The following CDON variants were observed in gnomAD, a reference collection of about 807,000 sequenced individuals.
CDON encodes the protein cell adhesion molecule-related/down-regulated by oncogenes.
Under a neutral mutation model 120.9 loss-of-function variants are expected in CDON, and 73 were observed. The observed-to-expected ratio is 0.60, with a 90% CI of 0.50 to 0.73. The LOEUF (loss-of-function observed/expected upper bound fraction) is 0.73, where lower values mean the gene tolerates loss of function less well. Ranked by LOEUF, CDON falls within the 30% of genes least tolerant of loss-of-function variation. CDON has a pLI of 0.00. For synonymous variants in CDON, 566 were observed against 573.5 expected, an observed-to-expected ratio of 0.99 and a Z score of 0.19; for missense variants, 1,470 against 1,587.3, an observed-to-expected ratio of 0.93 and a Z score of 1.26.
chr11:125,995,485 C>T (rs372063209), intron 12 of CDON, among the ~76,000 whole-genome samples: 1 of 152,150 alleles, frequency 6.6e-6, no homozygotes, highest in Admixed American at 6.5e-5. Flanking sequence ...CGGTTTAATA[C>T]GGTGAATACA....
At chr11:126,003,865 C>A in intron 10 of CDON, 37 bp downstream of exon 10, 1 of 1,579,324 alleles carries the variant, frequency 6.3e-7, no homozygotes. Context: ...GACATCAGGG[C>A]AGCCAGCTCA....
intron 1 of CDON, among the ~76,000 whole-genome samples, chr11:126,051,583 C>T (rs141519396): frequency 1.2e-3 from 177 of 152,182 alleles, no homozygotes; most frequent in African/African-American, 4.1e-3. Context: ...CCCCACTGCA[C>T]CTGCTGTCAT....
intron 18 of CDON, among the ~76,000 whole-genome samples, chr11:125,975,817 C>T (rs77550118): frequency 0.034 from 5,197 of 152,276 alleles, 97 homozygotes; most frequent in Middle Eastern, 0.048. Flanking sequence ...ATCCTTTCTA[C>T]GTCCATGACT....
intron 11 of CDON, among the ~76,000 whole-genome samples, chr11:126,000,254 C>A (rs926865955): frequency 4.6e-5 from 7 of 152,290 alleles, no homozygotes; most frequent in Non-Finnish European, 1.0e-4. Flanking sequence ...GTCACCCAGG[C>A]TGGAGTGCAG....
intron 1 of CDON, among the ~76,000 whole-genome samples, chr11:126,032,734 C>A (rs887999544): frequency 6.6e-6 from 1 of 152,118 alleles, no homozygotes; most frequent in Non-Finnish European, 1.5e-5. Context: ...AGGCCAGGAG[C>A]GGTGGCATAC....
intron 14 of CDON, among the ~76,000 whole-genome samples, chr11:125,993,171 T>C (rs1443524319): frequency 1.3e-5 from 2 of 152,320 alleles, no homozygotes; most frequent in Non-Finnish European, 2.9e-5. Flanking sequence ...GCTAGTCTTT[T>C]TCAACCTGAA....
chr11:126,050,533 A>C lies in CDON; in HGVS notation c.-62+12046T>G, dbSNP rs201999147. On this transcript the variant is annotated intron_variant, in intron 1 of 19. Transcript: ENST00000531738. The stretch of plus-strand genomic sequence containing the variant: ...ACACACACACACACACACACACACA[A>C]ACAAAAAAAAGTCTGTAAAATACTC... 2.0e-4 allele frequency among the ~76,000 whole-genome samples: 26 copies of C among 132,330 alleles called. No individual in the cohort carries two copies. In the East Asian group the frequency reaches 4.5e-3, roughly 23 times the overall value. The allele number at this position is 132,330 out of a possible 152,430, so 86.8% of individuals were successfully genotyped here. A position where few individuals can be genotyped will look rare whatever the true frequency, so the allele number is the denominator to read the frequency against.
chr11:125,990,529 T>C (rs1946606178), intron 14 of CDON, among the ~76,000 whole-genome samples: 1 of 152,206 alleles, frequency 6.6e-6, no homozygotes, highest in Admixed American at 6.5e-5. Flanking sequence ...GCAGGGACAC[T>C]TTTGCCAGAT....
At chr11:126,050,495 AACACACAC>A (rs10643446) in intron 1 of CDON, among the ~76,000 whole-genome samples, 619 of 143,088 alleles carry the variant, frequency 4.3e-3, no homozygotes, top group Middle Eastern at 0.01. Context: ...GTAAGTAGCA[AACACACAC>A]ACACACACAC....
chr11:126,012,734 T>A (rs772983741), intron 7 of CDON, among the ~76,000 whole-genome samples: 2 of 152,136 alleles, frequency 1.3e-5, no homozygotes, highest in Non-Finnish European at 2.9e-5. Flanking sequence ...TGTTCATTGG[T>A]CTTCATCCAT....
chr11:126,025,203 T>A (rs1947761401), intron 1 of CDON, among the ~76,000 whole-genome samples: 2 of 151,838 alleles, frequency 1.3e-5, no homozygotes, highest in South Asian at 4.2e-4. Flanking sequence ...AGACTCCATA[T>A]CAAAAAAATA....
chr11:126,050,387 T>A (rs185632910), intron 1 of CDON, among the ~76,000 whole-genome samples: 1 of 151,974 alleles, frequency 6.6e-6, no homozygotes, highest in African/African-American at 2.4e-5. Context: ...ACACCTAACT[T>A]TGAACTAGAT....
chr11:126,032,985 G>A (rs1235467884), intron 1 of CDON, among the ~76,000 whole-genome samples: 1 of 152,176 alleles, frequency 6.6e-6, no homozygotes, highest in Non-Finnish European at 1.5e-5. Context: ...TCCTAGCCTG[G>A]GTGACAGAGT....
chr11:126,063,185 C>G (rs990050457), upstream of CDON: 1 of 151,430 alleles, frequency 6.6e-6, no homozygotes. Flanking sequence ...ATAGAAGAGG[C>G]TTTTCTTGGG....
intron 15 of CDON, among the ~76,000 whole-genome samples, chr11:125,988,835 G>A (rs1946543269): frequency 6.6e-6 from 1 of 152,130 alleles, no homozygotes; most frequent in African/African-American, 2.4e-5. Flanking sequence ...AATTAAACAA[G>A]TAGATAGAAG....
chr11:126,050,495 AACACACACACACAC>A (rs10643446), intron 1 of CDON, among the ~76,000 whole-genome samples: 12 of 143,106 alleles, frequency 8.4e-5, no homozygotes, highest in African/African-American at 7.8e-5. Flanking sequence ...GTAAGTAGCA[AACACACACACACAC>A]ACACACACAC....
At position 125,977,672 on chromosome 11, in the gene CDON, G is replaced by C. The variant is rs112224486; in HGVS notation, c.3356+632C>G. ...GTAATCCTTGGGATTACCATAGAGA[G>C]AGGTCGTAGGAAAGTGTGCCGAGTA... On this transcript the variant is annotated intron_variant, in intron 18 of 19. Coordinates refer to ENST00000531738, the MANE Select transcript of CDON (RefSeq NM_001378964.1). 1.9e-3 allele frequency among the ~76,000 whole-genome samples: 291 copies of C among 152,274 alleles called. 5 individuals carry two copies. Among genetic ancestry groups the C allele is most frequent in the African/African-American group, 6.7e-3 (277 of 41,556 alleles).
intron 4 of CDON, among the ~76,000 whole-genome samples, chr11:126,018,717 T>A (rs112978541): frequency 6.6e-6 from 1 of 151,980 alleles, no homozygotes; most frequent in Admixed American, 6.5e-5. Context: ...TACAGGTGCA[T>A]GCCACCACAC....
chr11:126,029,398 G>A (rs367543612), intron 1 of CDON, among the ~76,000 whole-genome samples: 4 of 152,084 alleles, frequency 2.6e-5, no homozygotes, highest in African/African-American at 4.8e-5. Context: ...TCATTACACC[G>A]TGTGGTTTTA....
Sources: gnomAD v4.1 joint callset for allele counts (sites outside exome capture counted in the v4.1 genomes callset) on GRCh38, gnomAD v4.1.1 for gene constraint, MANE v1.5 for transcripts, NCBI Gene and HGNC (gene_info 2026-07-23, HGNC 2026-07-21) for gene names.